Variants in USP50 observed in about 807,000 individuals in gnomAD.
USP50 encodes the protein ubiquitin carboxyl-terminal hydrolase 50.
In USP50, 37 loss-of-function variants were observed where a neutral mutation model predicts 39.2. The ratio of observed to expected loss-of-function variants is 0.94; its 90% CI spans 0.73 to 1.24. The LOEUF (loss-of-function observed/expected upper bound fraction) is 1.24. Among genes scored for constraint, USP50 ranks in the 50% most tolerant of loss-of-function variants. USP50 has a pLI of 0.00. For missense variants in USP50, 374 were observed against 398.2 expected (o/e 0.94, Z 0.52); for synonymous variants, 139 against 144.5 (o/e 0.96, Z 0.27).
At chr15:50,503,798 C>T (rs896314940) in intron 6 of USP50, 1 of 152,194 alleles carries the variant, frequency 6.6e-6, no homozygotes, top group African/African-American at 2.4e-5. Flanking sequence ...AGGATATCCA[C>T]ATATGAAACC....
chr15:50,493,627 C>G (rs1000224488), downstream of USP50: 1 of 400,044 alleles, frequency 2.5e-6, no homozygotes, highest in African/African-American at 2.1e-5. Flanking sequence ...TGCCTATAGT[C>G]CCTGCTACTT....
intron 3 of USP50, among the ~76,000 whole-genome samples, chr15:50,543,065 T>A (rs956863737): frequency 6.6e-6 from 1 of 152,178 alleles, no homozygotes. Context: ...ATGTCCTAAT[T>A]CGGTGATGAA....
chr15:50,523,365 G>A (rs1372970025), intron 6 of USP50, among the ~76,000 whole-genome samples: 1 of 150,078 alleles, frequency 6.7e-6, no homozygotes, highest in East Asian at 2.0e-4. Flanking sequence ...TAGAGACAGG[G>A]TCTCCCTATG....
At chr15:50,530,768 G>C (rs2052934230) in intron 5 of USP50, among the ~76,000 whole-genome samples, 1 of 152,088 alleles carries the variant, frequency 6.6e-6, no homozygotes, top group African/African-American at 2.4e-5. Flanking sequence ...AGGGCAAAAA[G>C]AAAGGGATAA....
chr15:50,525,847 T>C lies in USP50; in HGVS notation c.936+3950A>G, dbSNP rs890988536. 3.3e-5 allele frequency among the ~76,000 whole-genome samples: 5 copies of C among 151,574 alleles called. No individual in the cohort carries two copies. In the East Asian group the frequency reaches 5.8e-4, roughly 18 times the overall value. ...AAGCTAATGTATTGATGGATTAATA[T>C]CATTAAAGATAACATTGAAGAGAAA... On this transcript the variant is annotated intron_variant, in intron 6 of 6. Coordinates refer to ENST00000532404, the MANE Select transcript of USP50 (RefSeq NM_203494.5).
chr15:50,541,128 C>A lies in USP50; in HGVS notation c.581G>T (p.Cys194Phe). The change falls in exon 4 of 7, where the codon TGT (cysteine) becomes TTT (phenylalanine). Residue 194 changes from cysteine to phenylalanine, a missense_variant. Physicochemically the swap from Cys to Phe is radical, Grantham distance 205. Transcript: ENST00000532404. ...QLNYSIVCLK[C>F]EKCTYKNEVF... ...TTCGTTCTTGTAGGTGCATTTCTCACACTTTAAACATACGATGCTATAATT... is the reference window on the plus strand; with the variant it reads ...TTCGTTCTTGTAGGTGCATTTCTCAAACTTTAAACATACGATGCTATAATT... 6.2e-7 allele frequency: 1 copy of A among 1,613,918 alleles called. No individual in the cohort carries two copies. Among genetic ancestry groups the A allele is most frequent in the South Asian group, 1.1e-5 (1 of 91,078 alleles).
At chr15:50,495,486 A>AGG (rs553634288) in intron 1 of USP50, among the ~76,000 whole-genome samples, 1,390 of 106,828 alleles carry the variant, frequency 0.013, 18 homozygotes, top group Middle Eastern at 0.051. Context: ...TAGAGATTGG[A>AGG]GGGGGGGGTC....
chr15:50,534,385 G>A (rs2052963983), intron 5 of USP50, among the ~76,000 whole-genome samples: 1 of 152,058 alleles, frequency 6.6e-6, no homozygotes, highest in African/African-American at 2.4e-5. Context: ...GAGAGAAAAT[G>A]GAGTCATATA....
At chr15:50,514,302 A>G (rs1314489791) in intron 6 of USP50, 1 of 152,220 alleles carries the variant, frequency 6.6e-6, no homozygotes, top group Non-Finnish European at 1.5e-5. Flanking sequence ...CATTCTGTTT[A>G]AACTCTGTTC....
intron 5 of USP50, among the ~76,000 whole-genome samples, chr15:50,535,033 G>A (rs2052968800): frequency 6.6e-6 from 1 of 151,896 alleles, no homozygotes; most frequent in Non-Finnish European, 1.5e-5. Context: ...CCCAGCTACT[G>A]GAGGCTGAGA....
At chr15:50,495,345 C>CAT (rs1194071762) in intron 1 of USP50, among the ~76,000 whole-genome samples, 1 of 90,244 alleles carries the variant, frequency 1.1e-5, no homozygotes, top group Non-Finnish European at 2.2e-5. Flanking sequence ...TATACACATA[C>CAT]ATATATACAT....
At chr15:50,522,658 A>G (rs776513480) in intron 6 of USP50, among the ~76,000 whole-genome samples, 1 of 152,046 alleles carries the variant, frequency 6.6e-6, no homozygotes, top group Non-Finnish European at 1.5e-5. Flanking sequence ...GTTCAACATC[A>G]TATTTTTTAT....
intron 5 of USP50, among the ~76,000 whole-genome samples, chr15:50,533,506 A>C (rs867986862): frequency 5.9e-5 from 9 of 152,204 alleles, no homozygotes; most frequent in Admixed American, 6.5e-5. Flanking sequence ...AGGAGCAAAC[A>C]TAAGAATTAC....
At chr15:50,539,391 G>T (rs1259385218) in intron 4 of USP50, among the ~76,000 whole-genome samples, 2 of 136,084 alleles carry the variant, frequency 1.5e-5, no homozygotes, top group Non-Finnish European at 1.6e-5. Flanking sequence ...TAACTTTTCT[G>T]TTTTTTTTTT....
chr15:50,532,918 G>A (rs1261229513), intron 5 of USP50, among the ~76,000 whole-genome samples: 1 of 152,138 alleles, frequency 6.6e-6, no homozygotes, highest in Non-Finnish European at 1.5e-5. Context: ...GAATGCCTCT[G>A]ATGGGCTCAT....
At chr15:50,507,635 T>C (rs1005366391) in intron 6 of USP50, 24 of 152,286 alleles carry the variant, frequency 1.6e-4, no homozygotes, top group African/African-American at 5.5e-4. Flanking sequence ...AGGGAAGTTT[T>C]GACAAGTCTA....
rs1566911385 is a variant in USP50, at chr15:50,538,855, T to C, written c.661-4A>G. The C allele has an allele frequency of 6.3e-7, 1 of 1,592,120 alleles. No individual in the cohort carries two copies. Among genetic ancestry groups the C allele is most frequent in the Non-Finnish European group, 8.5e-7 (1 of 1,171,186 alleles). On this transcript the variant is annotated splice_polypyrimidine_tract_variant and splice_region_variant and intron_variant, in intron 4 of 6. Coordinates refer to ENST00000532404, the MANE Select transcript of USP50 (RefSeq NM_203494.5). ...GAAAAAAACATTGGAGACAGTCCTGTTAAGGAAAAAAAGGATTTGGTGACC... is the reference window on the plus strand; with the variant it reads ...GAAAAAAACATTGGAGACAGTCCTGCTAAGGAAAAAAAGGATTTGGTGACC...
chr15:50,525,618 ATAT>A, intron 6 of USP50, among the ~76,000 whole-genome samples: 1 of 135,756 alleles, frequency 7.4e-6, no homozygotes, highest in Non-Finnish European at 1.5e-5. Context: ...ATATATGTAT[ATAT>A]GTATATGTAT....
intron 3 of USP50, among the ~76,000 whole-genome samples, chr15:50,541,676 G>A (rs533726651): frequency 1.8e-4 from 28 of 152,050 alleles, no homozygotes; most frequent in South Asian, 6.2e-4. Context: ...ATATTTTCCC[G>A]TTAGATGAAA....
Sources: allele counts gnomAD v4.1 joint callset (sites outside exome capture counted in the v4.1 genomes callset), GRCh38; gene constraint gnomAD v4.1.1; transcripts MANE v1.5; gene names NCBI Gene and HGNC (gene_info 2026-07-23, HGNC 2026-07-21).